The following CALU variants were observed in gnomAD, a reference collection of about 807,000 sequenced individuals.
CALU encodes the protein IEF SSP 9302.
CALU carries 13 observed loss-of-function variants against 37.5 expected under a neutral mutation model. The observed-to-expected ratio is 0.35, with a 90% confidence interval of 0.23 to 0.55. The LOEUF is 0.55. CALU is among the 20% of genes least tolerant of loss of function. CALU has a pLI of 0.89. For synonymous variants in CALU, 114 were observed against 133.8 expected (o/e 0.85, Z 1.02); for missense variants, 282 against 391.7 (o/e 0.72, Z 2.36).
chr7:128,760,347 C>G (rs1272964438), intron 5 of CALU, among the ~76,000 whole-genome samples: 1 of 152,122 alleles, frequency 6.6e-6, no homozygotes, highest in Non-Finnish European at 1.5e-5. Flanking sequence ...ATTGCCCAAT[C>G]AAAATATAAA....
chr7:128,754,347 C>T lies in CALU; in HGVS notation c.307C>T (p.Arg103Cys), dbSNP rs372734856. The change falls in exon 3 of 7, where the codon CGC (arginine) becomes TGC (cysteine). Residue 103 changes from arginine to cysteine, a missense_variant. Transcript: ENST00000249364. Reference sequence around the variant, plus strand: ...AGACTGGATTAAATTTGCACAAAAGCGCTGGATTTACGAGGATGTAGAGCG... The same window carrying T: ...AGACTGGATTAAATTTGCACAAAAGTGCTGGATTTACGAGGATGTAGAGCG... ...LKDWIKFAQKRWIYEDVERQW... is the reference protein window; with the variant it reads ...LKDWIKFAQKCWIYEDVERQW... 2.2e-5 allele frequency: 36 copies of T among 1,613,874 alleles called. No homozygotes were observed. The highest frequency in any genetic ancestry group is 2.8e-5 in the Non-Finnish European group (33 of 1,179,908).
intron 2 of CALU, among the ~76,000 whole-genome samples, chr7:128,751,275 A>G (rs1454765836): frequency 6.9e-6 from 1 of 144,758 alleles, no homozygotes; most frequent in Non-Finnish European, 1.5e-5. Flanking sequence ...CAACAAAGTG[A>G]GACTCCGTCT....
chr7:128,764,449 T>C (rs1272546594), intron 5 of CALU, among the ~76,000 whole-genome samples: 5 of 152,078 alleles, frequency 3.3e-5, no homozygotes, highest in Non-Finnish European at 7.4e-5. Context: ...ATAATCTCTG[T>C]TGGTGATAAG....
At position 128,771,512 on chromosome 7, in the gene CALU, G is replaced by T. The variant is rs987912800; in HGVS notation, c.*2345G>T. The T allele has an allele frequency of 2.0e-5, 3 of 152,592 alleles. No individual in the cohort carries two copies. The highest frequency in any genetic ancestry group is 7.2e-5 in the African/African-American group (3 of 41,418). 9.5% of individuals were successfully genotyped at this position (152,592 alleles called of 1,614,324 possible). A position where few individuals can be genotyped will look rare whatever the true frequency, so the allele number is the denominator to read the frequency against. On this transcript the variant is annotated 3_prime_UTR_variant, in exon 7 of 7. Coordinates refer to ENST00000249364, the MANE Select transcript of CALU (RefSeq NM_001219.5). Reference sequence around the variant, plus strand: ...TATGACCTTCATTTTCCAAGAAATAGAACTCTAGCTTAGAATTATGGATGC... The same window carrying T: ...TATGACCTTCATTTTCCAAGAAATATAACTCTAGCTTAGAATTATGGATGC...
chr7:128,748,428 A>G, intron 1 of CALU, 145 bp from the exon 2 acceptor site: 1 of 1,271,644 alleles, frequency 7.9e-7, no homozygotes, highest in South Asian at 1.4e-5. Flanking sequence ...TATTTTATGG[A>G]TGAAGTAATA....
chr7:128,745,161 GAT>G (rs1286386930), intron 1 of CALU, among the ~76,000 whole-genome samples: 1 of 152,130 alleles, frequency 6.6e-6, no homozygotes, highest in East Asian at 1.9e-4. Flanking sequence ...TTTTCCTAAA[GAT>G]AAAGTCCCCT....
At position 128,745,877 on chromosome 7, in the gene CALU, G is replaced by A. The variant is rs555137970; in HGVS notation, c.-11-2696G>A. 1.1e-4 allele frequency among the ~76,000 whole-genome samples: 17 copies of A among 152,262 alleles called. No homozygotes were observed. The South Asian group carries it at 3.5e-3, about 32-fold the overall frequency. On this transcript the variant is annotated intron_variant, in intron 1 of 6. Transcript: ENST00000249364. Reference sequence around the variant, plus strand: ...CAGTACAGCAGGATACAGTATTAAAGTTCACTTTCACACCAATCTTACCAG... The same window carrying A: ...CAGTACAGCAGGATACAGTATTAAAATTCACTTTCACACCAATCTTACCAG...
chr7:128,754,620 A>G (rs1800799312), intron 3 of CALU, 165 bp downstream of exon 3: 3 of 1,551,978 alleles, frequency 1.9e-6, no homozygotes, highest in Non-Finnish European at 2.6e-6. Flanking sequence ...GAAGAAATAC[A>G]TATATGACAA....
chr7:128,768,858 A>AAAAAAAAAAAAAAAAAAAC (rs1562883614), intron 6 of CALU, among the ~76,000 whole-genome samples: 1 of 150,384 alleles, frequency 6.6e-6, no homozygotes, highest in African/African-American at 2.5e-5. Flanking sequence ...AAAAAAAAAA[A>AAAAAAAAAAAAAAAAAAAC]AAAAAAAAAA....
At chr7:128,742,429 C>T (rs1165963769) in intron 1 of CALU, among the ~76,000 whole-genome samples, 1 of 152,216 alleles carries the variant, frequency 6.6e-6, no homozygotes, top group Admixed American at 6.5e-5. Context: ...CAATTGTTAA[C>T]ATTGAGCAAT....
chr7:128,762,164 G>C (rs1490025994), intron 5 of CALU, among the ~76,000 whole-genome samples: 1 of 151,708 alleles, frequency 6.6e-6, no homozygotes, highest in Non-Finnish European at 1.5e-5. Context: ...TTTATTCTTG[G>C]CTTTTGCCAT....
At chr7:128,761,071 C>G (rs1021746280) in intron 5 of CALU, among the ~76,000 whole-genome samples, 5 of 152,198 alleles carry the variant, frequency 3.3e-5, no homozygotes, top group Admixed American at 1.3e-4. Flanking sequence ...CATATTTTCT[C>G]TCTGATTCTC....
At chr7:128,754,646 G>A (rs1271754927) in intron 3 of CALU, 191 bp downstream of exon 3, 1 of 1,552,240 alleles carries the variant, frequency 6.4e-7, no homozygotes. Context: ...AAAACCAATG[G>A]CAGGAGTTTG....
Position 128,754,374 on chromosome 7 carries a change from C to A in CALU, c.334C>A (p.Gln112Lys). 6.2e-7 allele frequency: 1 copy of A among 1,614,128 alleles called. No individual in the cohort carries two copies. The highest frequency in any genetic ancestry group is 1.1e-5 in the South Asian group (1 of 91,084). Reference protein sequence around the residue: ...KRWIYEDVERQWKGHDLNEDG... With the variant: ...KRWIYEDVERKWKGHDLNEDG... Reference sequence around the variant, plus strand: ...CTGGATTTACGAGGATGTAGAGCGACAGTGGAAGGGGCATGACCTCAATGA... The same window carrying A: ...CTGGATTTACGAGGATGTAGAGCGAAAGTGGAAGGGGCATGACCTCAATGA... Residue 112 changes from glutamine to lysine, a missense_variant, in exon 3 of 7, where the codon CAG becomes AAG. Coordinates refer to ENST00000249364, the MANE Select transcript of CALU (RefSeq NM_001219.5).
In CALU at chr7:128,770,462, A is replaced by T. The variant is rs1185264193; in HGVS notation, c.*1295A>T. 1 of 152,412 alleles carries T rather than the reference A, an allele frequency of 6.6e-6. No homozygotes were observed. Among genetic ancestry groups the T allele is most frequent in the African/African-American group, 2.4e-5 (1 of 41,358 alleles). The allele number at this position is 152,412 out of a possible 1,614,324, so 9.4% of individuals were successfully genotyped here. On this transcript the variant is annotated 3_prime_UTR_variant, in exon 7 of 7. Transcript: ENST00000249364. Reference sequence around the variant, plus strand: ...TGTCCACTGGAGAGCTTGAGCTCACACTCAAAGATCAGAGGACCTACAGAG... The same window carrying T: ...TGTCCACTGGAGAGCTTGAGCTCACTCTCAAAGATCAGAGGACCTACAGAG...
chr7:128,747,159 C>CT (rs1800479187), intron 1 of CALU, among the ~76,000 whole-genome samples: 2 of 152,078 alleles, frequency 1.3e-5, no homozygotes, highest in Non-Finnish European at 2.9e-5. Flanking sequence ...ATTTTTTAAT[C>CT]ATTGTGAACT....
intron 2 of CALU, among the ~76,000 whole-genome samples, chr7:128,752,446 T>C (rs536371633): frequency 6.6e-6 from 1 of 152,300 alleles, no homozygotes; most frequent in South Asian, 2.1e-4. Flanking sequence ...AAAATACCTT[T>C]TGGGGGTAGG....
In CALU at chr7:128,758,992, C is replaced by T; in HGVS notation, c.537C>T (p.Phe179=). 6.2e-7 allele frequency: 1 copy of T among 1,614,006 alleles called. No homozygotes were observed. The highest frequency in any genetic ancestry group is 8.5e-7 in the Non-Finnish European group (1 of 1,179,952). ...LIATKEEFTA[F]LHPEEYDYMK... is the part of the protein sequence containing the mutation. Reference sequence around the variant, plus strand: ...CCACCAAGGAGGAGTTCACAGCTTTCCTGCACCCTGAGGAGTATGACTACA... The same window carrying T: ...CCACCAAGGAGGAGTTCACAGCTTTTCTGCACCCTGAGGAGTATGACTACA... The change falls in exon 4 of 7, where the codon TTC becomes TTT. Residue 179 remains phenylalanine (F), a synonymous_variant. Coordinates refer to ENST00000249364, the MANE Select transcript of CALU (RefSeq NM_001219.5).
At position 128,759,861 on chromosome 7, in the gene CALU, C is replaced by T. The variant is rs1196116623; in HGVS notation, c.643+9C>T. 1 of 1,297,674 alleles carries T rather than the reference C, an allele frequency of 7.7e-7. No homozygotes were observed. The highest frequency in any genetic ancestry group is 1.1e-6 in the Non-Finnish European group (1 of 892,782). The allele number at this position is 1,297,674 out of a possible 1,614,324, so 80.4% of individuals were successfully genotyped here. A position where few individuals can be genotyped will look rare whatever the true frequency, so the allele number is the denominator to read the frequency against. On this transcript the variant is annotated intron_variant, in intron 5 of 6. Coordinates refer to ENST00000249364, the MANE Select transcript of CALU (RefSeq NM_001219.5). Reference sequence around the variant, plus strand: ...TCTAGAAGAGTATATTGGTAAGTCTCTGCTTTTAGTGTTTTTCTTAGAAAA... The same window carrying T: ...TCTAGAAGAGTATATTGGTAAGTCTTTGCTTTTAGTGTTTTTCTTAGAAAA...
Sources: gnomAD v4.1 joint callset for allele counts (sites outside exome capture counted in the v4.1 genomes callset) on GRCh38, gnomAD v4.1.1 for gene constraint, MANE v1.5 for transcripts, NCBI Gene and HGNC (gene_info 2026-07-23, HGNC 2026-07-21) for gene names.